SVOPL: variants seen among roughly 807,000 people sequenced by gnomAD.
SVOPL encodes the protein SVOP like, also known as putative transporter SVOPL.
Under a neutral mutation model 61.0 loss-of-function variants are expected in SVOPL, and 60 were observed. The ratio of observed to expected loss-of-function variants is 0.98; its 90% CI spans 0.80 to 1.22. The LOEUF (loss-of-function observed/expected upper bound fraction) is 1.22. Among genes scored for constraint, SVOPL ranks in the 50% most tolerant of loss-of-function variants. The probability of loss-of-function intolerance (pLI) is 0.00; values close to 1 mark genes in which losing one functional copy is unlikely to be tolerated. For missense variants in SVOPL, 662 were observed against 643.9 expected (o/e 1.03, Z -0.30); for synonymous variants, 279 against 250.0 (o/e 1.12, Z -1.09).
At chr7:138,671,968 G>T in intron 4 of SVOPL, 51 bp downstream of exon 4, 1 of 1,507,644 alleles carries the variant, frequency 6.6e-7, no homozygotes, top group South Asian at 1.2e-5. Flanking sequence ...GGAGGAAAGG[G>T]AGCCTACGCC....
At chr7:138,662,706 T>C in intron 5 of SVOPL, 2 of 1,055,428 alleles carry the variant, frequency 1.9e-6, no homozygotes, top group Non-Finnish European at 2.3e-6. Flanking sequence ...CACAGTAAAC[T>C]GGACGTGGTG....
intron 6 of SVOPL, among the ~76,000 whole-genome samples, chr7:138,657,134 G>GTTTA (rs147009662): frequency 0.23 from 33,987 of 146,878 alleles, 4,480 homozygotes; most frequent in Non-Finnish European, 0.29. Context: ...TTTCTTATTT[G>GTTTA]TTTATTTATT....
At chr7:138,670,829 G>A (rs925661512) in intron 4 of SVOPL, among the ~76,000 whole-genome samples, 1 of 152,010 alleles carries the variant, frequency 6.6e-6, no homozygotes, top group Non-Finnish European at 1.5e-5. Context: ...TATCTCCTTG[G>A]AGTTCTTAGA....
rs749603417 is a variant in SVOPL, at chr7:138,642,831, C to CAAAAAAAAAAAAAAAAAA, written c.789+1868_789+1885dup. Among the ~76,000 whole-genome samples the CAAAAAAAAAAAAAAAAAA allele has an allele frequency of 2.5e-3, 66 of 26,836 alleles. 2 individuals are homozygous for CAAAAAAAAAAAAAAAAAA. The East Asian group carries it at 0.037, about 15-fold the overall frequency. 17.6% of individuals were successfully genotyped at this position (26,836 alleles called of 152,430 possible). A position where few individuals can be genotyped will look rare whatever the true frequency, so the allele number is the denominator to read the frequency against. On this transcript the variant is annotated intron_variant, in intron 9 of 15. Transcript: ENST00000674285. ...GACGATAGAGCGAGACTCCTACCTC[C>CAAAAAAAAAAAAAAAAAA]AAAAAAAAAAAAAAAAAAAGAAGAA...
Position 138,620,091 on chromosome 7 carries a change from T to G in SVOPL, c.1353+955A>C, listed in dbSNP as rs188973814. 5.3e-3 allele frequency among the ~76,000 whole-genome samples: 773 copies of G among 145,196 alleles called. 36 individuals are homozygous for G. The East Asian group carries it at 0.12, about 22-fold the overall frequency. ...TACAGCCAGGTCATGTGGATTTCTG[T>G]TTTTTTTTTCTTTTTTGTTTTTTTT... is the stretch of plus-strand genomic sequence containing the variant. On this transcript the variant is annotated intron_variant, in intron 14 of 15. Coordinates refer to ENST00000674285, the MANE Select transcript of SVOPL (RefSeq NM_001139456.2).
At chr7:138,612,430 AAAAAAT>A (rs1563088383) in intron 14 of SVOPL, among the ~76,000 whole-genome samples, 2 of 17,378 alleles carry the variant, frequency 1.2e-4, no homozygotes. Flanking sequence ...AAAATAAAAT[AAAAAAT>A]AAAAAAAAAA....
At chr7:138,619,357 C>T (rs1229246945) in intron 14 of SVOPL, among the ~76,000 whole-genome samples, 1 of 151,504 alleles carries the variant, frequency 6.6e-6, no homozygotes, top group Non-Finnish European at 1.5e-5. Flanking sequence ...TGCAGTGAGC[C>T]ATGACTGTAC....
In SVOPL at chr7:138,663,110, G is replaced by C. The variant is rs759552949; in HGVS notation, c.309C>G (p.Leu103=). The part of the protein sequence containing the change: ...VFFGYMVFSI[L]FGLLADRYGR... ...CATATCTGTCAGCCAGGAGGCCAAA[G>C]AGGATACTGAAAACCATGTAGCCAA... Residue 103 remains leucine (L), a synonymous_variant, in exon 5 of 16, where the codon CTC becomes CTG. Transcript: ENST00000674285. The C allele has an allele frequency of 9.3e-6, 15 of 1,614,146 alleles. No homozygotes were observed. Among genetic ancestry groups the C allele is most frequent in the African/African-American group, 1.3e-5 (1 of 75,058 alleles).
chr7:138,621,798 C>A (rs966752030), intron 13 of SVOPL, among the ~76,000 whole-genome samples: 1 of 126,828 alleles, frequency 7.9e-6, no homozygotes, highest in Non-Finnish European at 1.7e-5. Context: ...ATCTATCTAT[C>A]TATGTATCTA....
chr7:138,613,952 G>C (rs1195071971), intron 14 of SVOPL, among the ~76,000 whole-genome samples: 1 of 152,106 alleles, frequency 6.6e-6, no homozygotes, highest in Non-Finnish European at 1.5e-5. Flanking sequence ...GTGAGTCCAG[G>C]CCAGCTCCAG....
intron 14 of SVOPL, among the ~76,000 whole-genome samples, chr7:138,600,351 G>A (rs755915092): frequency 1.3e-5 from 2 of 152,170 alleles, no homozygotes; most frequent in Non-Finnish European, 2.9e-5. Context: ...TAACTGTAGA[G>A]CTTTGGGCAG....
At chr7:138,662,567 A>G (rs1014813554) in intron 5 of SVOPL, 1 of 986,008 alleles carries the variant, frequency 1.0e-6, no homozygotes, top group South Asian at 4.7e-5. Flanking sequence ...AAACCTCCCA[A>G]TAGGGCTGCT....
chr7:138,692,234 G>T lies in SVOPL; in HGVS notation c.-35+8944C>A, dbSNP rs528980198. Among the ~76,000 whole-genome samples, 9 of 152,288 alleles carry T rather than the reference G, an allele frequency of 5.9e-5. 1 individual carries two copies. In the South Asian group the frequency reaches 1.7e-3, roughly 28 times the overall value. The stretch of plus-strand genomic sequence containing the variant: ...TCAAGTTTTGCTACAAAATGGAATT[G>T]AATATATCCATCATTCTTTCAAAAA... On this transcript the variant is annotated intron_variant, in intron 1 of 15. Coordinates refer to ENST00000674285, the MANE Select transcript of SVOPL (RefSeq NM_001139456.2).
chr7:138,649,517 G>C (rs576167969), intron 7 of SVOPL, among the ~76,000 whole-genome samples: 4 of 151,838 alleles, frequency 2.6e-5, no homozygotes, highest in Non-Finnish European at 5.9e-5. Context: ...GGCTGGTCTC[G>C]AACTCCTGAC....
chr7:138,657,130 A>ATTTG (rs201878592), intron 6 of SVOPL, among the ~76,000 whole-genome samples: 2,856 of 135,370 alleles, frequency 0.021, 75 homozygotes, highest in East Asian at 0.098. Flanking sequence ...CCCTTTTCTT[A>ATTTG]TTTGTTTATT....
Position 138,678,529 on chromosome 7 carries a change from A to G in SVOPL, c.83-4T>C, listed in dbSNP as rs868809227. The G allele has an allele frequency of 3.0e-5, 46 of 1,551,760 alleles. No homozygotes were observed. In the Middle Eastern group the frequency reaches 4.5e-3, roughly 152 times the overall value. ...TCCACGGTGAACGTCTTTGGCTCTA[A>G]CAACGAAAGACAAAGTGGAAAAAAT... On this transcript the variant is annotated splice_polypyrimidine_tract_variant and splice_region_variant and intron_variant, in intron 2 of 15. Coordinates refer to ENST00000674285, the MANE Select transcript of SVOPL (RefSeq NM_001139456.2).
At chr7:138,676,071 G>A (rs146106886) in intron 3 of SVOPL, among the ~76,000 whole-genome samples, 2 of 152,300 alleles carry the variant, frequency 1.3e-5, no homozygotes, top group East Asian at 1.9e-4. Context: ...CCTGACCTCA[G>A]GTGATCCACC....
intron 13 of SVOPL, among the ~76,000 whole-genome samples, chr7:138,622,765 T>G (rs970637972): frequency 2.0e-5 from 3 of 152,338 alleles, no homozygotes; most frequent in African/African-American, 7.2e-5. Flanking sequence ...CCCAGCCATA[T>G]TCTACTTTCT....
chr7:138,698,953 C>A (rs551280571), intron 1 of SVOPL, among the ~76,000 whole-genome samples: 1 of 152,254 alleles, frequency 6.6e-6, no homozygotes, highest in African/African-American at 2.4e-5. Context: ...GAGTTTGGGA[C>A]CAGCCTGGGG....
Sources: allele counts gnomAD v4.1 joint callset (sites outside exome capture counted in the v4.1 genomes callset), GRCh38; gene constraint gnomAD v4.1.1; transcripts MANE v1.5; gene names NCBI Gene and HGNC (gene_info 2026-07-23, HGNC 2026-07-21).